NFXL1: variants seen among roughly 807,000 people sequenced by gnomAD.
NFXL1 encodes NF-X1-type zinc finger protein NFXL1.
Under a neutral mutation model 123.3 loss-of-function variants are expected in NFXL1, and 66 were observed. That is an observed-to-expected ratio of 0.54 (90% CI 0.44 to 0.66). The LOEUF is 0.66. Among genes scored for constraint, NFXL1 ranks in the 30% least tolerant of loss-of-function variants. The pLI, the probability that NFXL1 is intolerant of heterozygous loss-of-function variation, is 0.00. For missense variants in NFXL1, 944 were observed against 1,125.6 expected (o/e 0.84, Z 2.31); for synonymous variants, 346 against 360.8 (o/e 0.96, Z 0.46).
intron 8 of NFXL1, 114 bp from the exon 9 acceptor site, chr4:47,898,195 C>A: frequency 1.6e-6 from 1 of 622,158 alleles, no homozygotes; most frequent in Non-Finnish European, 2.8e-6. Flanking sequence ...TTACGTCCCT[C>A]ATATTATTTT....
chr4:47,898,655 T>C, intron 8 of NFXL1, 102 bp downstream of exon 8: 2 of 730,240 alleles, frequency 2.7e-6, no homozygotes, highest in Non-Finnish European at 2.5e-6. Context: ...TATTCTTCCT[T>C]GCCTTTTATC....
In NFXL1 at chr4:47,862,922, A is replaced by C; in HGVS notation, c.2247-7T>G. On this transcript the variant is annotated splice_region_variant and splice_polypyrimidine_tract_variant and intron_variant, in intron 18 of 22. Transcript: ENST00000507489. ...ATCAGCTGTGGTTATTTTTCTAAAA[A>C]TAAGAAAGTTGATGACATTCAAACA... 2 of 1,525,410 alleles carry C rather than the reference A, an allele frequency of 1.3e-6. No homozygotes were observed. The highest frequency in any genetic ancestry group is 1.8e-6 in the Non-Finnish European group (2 of 1,128,646). The allele number at this position is 1,525,410 out of a possible 1,614,324, so 94.5% of individuals were successfully genotyped here.
chr4:47,885,488 A>T lies in NFXL1; in HGVS notation c.1824+10T>A. 6.2e-7 allele frequency: 1 copy of T among 1,603,040 alleles called. No homozygotes were observed. The highest frequency in any genetic ancestry group is 8.5e-7 in the Non-Finnish European group (1 of 1,171,706). On this transcript the variant is annotated intron_variant, in intron 14 of 22. Transcript: ENST00000507489. ...AATGCACTATTTCTCTAATAGTATT[A>T]TTCCCTTACCCTGCCAGTCTGCTTT...
At chr4:47,878,268 T>C (rs1735873088) in intron 17 of NFXL1, among the ~76,000 whole-genome samples, 1 of 151,970 alleles carries the variant, frequency 6.6e-6, no homozygotes, top group African/African-American at 2.4e-5. Context: ...CCATATCCTA[T>C]GTATTAACAC....
chr4:47,883,752 T>G (rs1736254286), intron 15 of NFXL1, among the ~76,000 whole-genome samples: 1 of 152,226 alleles, frequency 6.6e-6, no homozygotes, highest in African/African-American at 2.4e-5. Flanking sequence ...GGCACCTCAG[T>G]TGTAGACAAC....
chr4:47,886,075 A>T lies in NFXL1; in HGVS notation c.1544-76T>A, dbSNP rs1473571238. On this transcript the variant is annotated intron_variant, in intron 12 of 22. Coordinates refer to ENST00000507489, the MANE Select transcript of NFXL1 (RefSeq NM_001278624.2). ...TATTAATGGTAAAATACATAAATTT[A>T]GTATATTCACACAATGGGATACTCT... 5 of 1,325,268 alleles carry T rather than the reference A, an allele frequency of 3.8e-6. No homozygotes were observed. In the East Asian group the frequency reaches 9.2e-5, roughly 24 times the overall value. The allele number at this position is 1,325,268 out of a possible 1,614,324, so 82.1% of individuals were successfully genotyped here.
intron 19 of NFXL1, among the ~76,000 whole-genome samples, chr4:47,860,228 T>C (rs1478644488): frequency 6.6e-6 from 1 of 152,142 alleles, no homozygotes; most frequent in Non-Finnish European, 1.5e-5. Context: ...ATATACAAAA[T>C]TTTATCAATT....
chr4:47,859,243 G>T (rs531782012), intron 19 of NFXL1, among the ~76,000 whole-genome samples: 3 of 152,090 alleles, frequency 2.0e-5, no homozygotes, highest in Non-Finnish European at 4.4e-5. Flanking sequence ...GCATCAAAAC[G>T]TTCCACTTTA....
rs1229551847 is a variant in NFXL1 at position 47,862,832 on chromosome 4, C to T, written c.2316+14G>A. The T allele has an allele frequency of 2.1e-6, 3 of 1,428,908 alleles. No homozygotes were observed. In the East Asian group the frequency reaches 6.9e-5, roughly 33 times the overall value. The allele number at this position is 1,428,908 out of a possible 1,614,324, so 88.5% of individuals were successfully genotyped here. On this transcript the variant is annotated intron_variant, in intron 19 of 22. Transcript: ENST00000507489. ...CCCAAGGAATACAATTTAAAAGGTT[C>T]TACTAAAGCTTACCTCTTTAGGGCA...
rs769810026 is a variant in NFXL1, at chr4:47,914,111, G to A, written c.93C>T (p.Arg31=). ...CCTTCTCTCGCCCTCCTCCGGCGCC[G>A]CGGAGATGGACTCCATTTCCTGAGG... ...AAPSGNGVHL[R]GAGGGREKGS... The change falls in exon 2 of 23, where the codon CGC becomes CGT. Residue 31 remains arginine, a synonymous_variant. Coordinates refer to ENST00000507489, the MANE Select transcript of NFXL1 (RefSeq NM_001278624.2). 29 of 1,552,824 alleles carry A rather than the reference G, an allele frequency of 1.9e-5. No homozygotes were observed. Among genetic ancestry groups the A allele is most frequent in the Non-Finnish European group, 2.5e-5 (29 of 1,148,484 alleles).
chr4:47,849,559 G>A lies in NFXL1; in HGVS notation c.2563-1223C>T, dbSNP rs1250700901. On this transcript the variant is annotated intron_variant, in intron 22 of 22. Coordinates refer to ENST00000507489, the MANE Select transcript of NFXL1 (RefSeq NM_001278624.2). ...AATAAACTTAGTTTAATACAAAGTG[G>A]CATTCTTCAATGAGCCAAAATGTCA... Among the ~76,000 whole-genome samples the A allele has an allele frequency of 3.9e-5, 6 of 152,120 alleles. No homozygotes were observed. In the East Asian group the frequency reaches 1.2e-3, roughly 29 times the overall value.
chr4:47,894,780 C>G (rs140348393), intron 10 of NFXL1, among the ~76,000 whole-genome samples: 1 of 152,088 alleles, frequency 6.6e-6, no homozygotes, highest in South Asian at 2.1e-4. Flanking sequence ...TTATGAACTC[C>G]AGTTAATGTT....
intron 9 of NFXL1, among the ~76,000 whole-genome samples, chr4:47,896,927 A>C (rs536890095): frequency 6.6e-6 from 1 of 152,322 alleles, no homozygotes; most frequent in Admixed American, 6.5e-5. Context: ...GAAATGAGTA[A>C]AGACTACATA....
intron 10 of NFXL1, 116 bp downstream of exon 10, chr4:47,896,407 A>G: frequency 2.8e-6 from 2 of 711,346 alleles, no homozygotes; most frequent in East Asian, 2.6e-5. Flanking sequence ...AAATTCATAT[A>G]CATCATGACA....
chr4:47,910,709 A>G (rs1737788971), intron 3 of NFXL1, 115 bp downstream of exon 3: 1 of 552,392 alleles, frequency 1.8e-6, no homozygotes, highest in Non-Finnish European at 3.1e-6. Context: ...TCTATAACAT[A>G]CAGTGCTCAT....
chr4:47,905,335 G>A lies in NFXL1; in HGVS notation c.418C>T (p.Arg140Cys), dbSNP rs144390999. ...TYTTQTDGDT[R>C]ELERTKQYVN... ...TATTGTTTTGTTCGCTCTAATTCAC[G>A]TGTATCTCCATCTGGAAATTTAAAG... The change falls in exon 4 of 23, where the codon CGT becomes TGT. Residue 140 changes from arginine to cysteine, a missense_variant. By Grantham distance (180) the Arg-to-Cys change is radical. Coordinates refer to ENST00000507489, the MANE Select transcript of NFXL1 (RefSeq NM_001278624.2). 302 of 1,545,152 alleles carry A rather than the reference G, an allele frequency of 2.0e-4. No homozygotes were observed. In the African/African-American group the frequency reaches 2.8e-3, roughly 14 times the overall value.
chr4:47,914,207 T>C lies in NFXL1; in HGVS notation c.-2-2A>G. 7.0e-7 allele frequency: 1 copy of C among 1,424,338 alleles called. No homozygotes were observed. Among genetic ancestry groups the C allele is most frequent in the Non-Finnish European group, 9.2e-7 (1 of 1,083,160 alleles). 88.2% of individuals were successfully genotyped at this position (1,424,338 alleles called of 1,614,324 possible). On this transcript the variant is annotated splice_acceptor_variant, in intron 1 of 22. Transcript: ENST00000507489. LOFTEE classifies it low-confidence loss of function (5UTR_SPLICE). Reference sequence around the variant, plus strand: ...CCTGGCGCCAGGAAGCTTCCATCCCTGCAAAGGAGAAAAAAAAAAAAAAGA... The same window carrying C: ...CCTGGCGCCAGGAAGCTTCCATCCCCGCAAAGGAGAAAAAAAAAAAAAAGA...
chr4:47,908,045 T>C (rs891503044), intron 3 of NFXL1, among the ~76,000 whole-genome samples: 6 of 152,218 alleles, frequency 3.9e-5, no homozygotes, highest in Admixed American at 6.5e-5. Flanking sequence ...TTCATGATCC[T>C]ATCAATATAC....
At chr4:47,866,194 C>G (rs150330505) in intron 18 of NFXL1, among the ~76,000 whole-genome samples, 1,760 of 151,992 alleles carry the variant, frequency 0.012, 30 homozygotes, top group Non-Finnish European at 0.016. Context: ...CTTGGAAAGG[C>G]AACACTCTGG....
Sources: allele counts gnomAD v4.1 joint callset (sites outside exome capture counted in the v4.1 genomes callset), GRCh38; gene constraint gnomAD v4.1.1; transcripts MANE v1.5; gene names NCBI Gene and HGNC (gene_info 2026-07-23, HGNC 2026-07-21).